DLGAP1: variants seen among roughly 807,000 people sequenced by gnomAD.
DLGAP1 encodes DLG associated protein 1.
A neutral mutation model predicts 90.8 loss-of-function variants in DLGAP1; 11 were observed. The ratio of observed to expected loss-of-function variants is 0.12; its 90% CI spans 0.08 to 0.20. The LOEUF (loss-of-function observed/expected upper bound fraction) is 0.20, where lower values mean the gene tolerates loss of function less well. Among genes scored for constraint, DLGAP1 ranks in the 10% least tolerant of loss-of-function variants. The pLI is 1.00. For missense variants in DLGAP1, 1,050 were observed against 1,333.8 expected (o/e 0.79, Z 3.31); for synonymous variants, 558 against 540.7 (o/e 1.03, Z -0.44).
chr18:3,561,282 AAC>A (rs1568197972), intron 9 of DLGAP1, among the ~76,000 whole-genome samples: 14 of 145,016 alleles, frequency 9.7e-5, no homozygotes, highest in South Asian at 6.5e-4. Flanking sequence ...AAAAAAAACA[AAC>A]AAAAAATAGC....
At chr18:3,559,523 T>TC (rs1007177718) in intron 9 of DLGAP1, among the ~76,000 whole-genome samples, 1 of 152,124 alleles carries the variant, frequency 6.6e-6, no homozygotes, top group African/African-American at 2.4e-5. Flanking sequence ...GAATTTTCTC[T>TC]CCTTTCTTAG....
intron 2 of DLGAP1, among the ~76,000 whole-genome samples, chr18:4,063,782 G>A (rs1457939315): frequency 2.0e-5 from 3 of 151,960 alleles, no homozygotes; most frequent in East Asian, 1.9e-4. Context: ...CCTGTTTCTG[G>A]CCAGGCTCTG....
At chr18:3,664,826 G>A (rs934663347) in intron 7 of DLGAP1, among the ~76,000 whole-genome samples, 3 of 152,200 alleles carry the variant, frequency 2.0e-5, no homozygotes, top group African/African-American at 7.2e-5. Context: ...TATTTGTTAA[G>A]AAGGTGAATG....
At chr18:3,852,029 G>C (rs1433302557) in intron 4 of DLGAP1, among the ~76,000 whole-genome samples, 1 of 152,124 alleles carries the variant, frequency 6.6e-6, no homozygotes, top group Non-Finnish European at 1.5e-5. Context: ...AAGGATTAGA[G>C]AGAAAAGGAC....
At chr18:3,897,770 A>C (rs1353690817) in intron 3 of DLGAP1, among the ~76,000 whole-genome samples, 2 of 148,980 alleles carry the variant, frequency 1.3e-5, no homozygotes. Context: ...AAGTGTTTCG[A>C]ATTTCTGATT....
chr18:3,654,153 A>G (rs751517760), intron 7 of DLGAP1, among the ~76,000 whole-genome samples: 4 of 152,196 alleles, frequency 2.6e-5, no homozygotes, highest in African/African-American at 4.8e-5. Context: ...CTCAAGCAAC[A>G]GTCGCAGTGG....
chr18:4,325,212 C>T, intron 1 of DLGAP1, among the ~76,000 whole-genome samples: 1 of 152,030 alleles, frequency 6.6e-6, no homozygotes, highest in East Asian at 1.9e-4. Flanking sequence ...TTCCTATACA[C>T]CAACAGCCAA....
intron 5 of DLGAP1, among the ~76,000 whole-genome samples, chr18:3,810,183 AG>A (rs1280065251): frequency 6.6e-6 from 1 of 152,140 alleles, no homozygotes; most frequent in East Asian, 1.9e-4. Flanking sequence ...TAGCTACAGG[AG>A]GGGTTTTGCT....
At chr18:4,110,048 A>G (rs754466151) in intron 2 of DLGAP1, among the ~76,000 whole-genome samples, 9 of 152,274 alleles carry the variant, frequency 5.9e-5, no homozygotes, top group Middle Eastern at 3.4e-3. Flanking sequence ...ACAGTCATGC[A>G]TTGCTTAACG....
chr18:3,823,949 CAAAAAAAAA>C (rs60286806), intron 4 of DLGAP1, among the ~76,000 whole-genome samples: 439 of 36,574 alleles, frequency 0.012, 2 homozygotes, highest in African/African-American at 0.045. Flanking sequence ...GACTCCCTCT[CAAAAAAAAA>C]AAAAAAAAAA....
At chr18:3,709,801 T>C (rs2061546563) in intron 7 of DLGAP1, among the ~76,000 whole-genome samples, 1 of 152,278 alleles carries the variant, frequency 6.6e-6, no homozygotes, top group African/African-American at 2.4e-5. Context: ...GATTCAATAA[T>C]ACTTGATATT....
chr18:4,441,984 T>A (rs1472113596), intron 1 of DLGAP1, among the ~76,000 whole-genome samples: 1 of 152,122 alleles, frequency 6.6e-6, no homozygotes. Context: ...AACCATCATA[T>A]CACTTTTTTG....
At chr18:3,666,899 G>A (rs1424400174) in intron 7 of DLGAP1, among the ~76,000 whole-genome samples, 1 of 150,478 alleles carries the variant, frequency 6.6e-6, no homozygotes, top group Non-Finnish European at 1.5e-5. Flanking sequence ...TGCAACTACA[G>A]GCGCCCACCA....
In DLGAP1 at chr18:3,700,872, A is replaced by G. The variant is rs1264010309; in HGVS notation, c.1591+28263T>C. ...GATCCGCCCACCTCGGCCTCCCAAAATGGTGGAATTACAGGGGTGAGCCAT... is the reference window on the plus strand; with the variant it reads ...GATCCGCCCACCTCGGCCTCCCAAAGTGGTGGAATTACAGGGGTGAGCCAT... On this transcript the variant is annotated intron_variant, in intron 7 of 12. Coordinates refer to ENST00000315677, the MANE Select transcript of DLGAP1 (RefSeq NM_004746.4). Among the ~76,000 whole-genome samples, 4 of 149,316 alleles carry G rather than the reference A, an allele frequency of 2.7e-5. No homozygotes were observed. The South Asian group carries it at 8.5e-4, about 32-fold the overall frequency.
intron 2 of DLGAP1, among the ~76,000 whole-genome samples, chr18:4,037,743 T>C (rs1471962530): frequency 6.6e-6 from 1 of 152,174 alleles, no homozygotes; most frequent in Non-Finnish European, 1.5e-5. Context: ...GTGGATCACC[T>C]GAGGTCAGGA....
chr18:3,551,768 CTTCT>C lies in DLGAP1; in HGVS notation c.2057+15718_2057+15721del, dbSNP rs1436901410. ...CCTTCCTTCCTTCCTTCCTTCCTTC[CTTCT>C]TTCCTTCCTTTTTTTCTTTCTTTTG... On this transcript the variant is annotated intron_variant, in intron 9 of 12. Coordinates refer to ENST00000315677, the MANE Select transcript of DLGAP1 (RefSeq NM_004746.4). Among the ~76,000 whole-genome samples, 21 of 94,352 alleles carry C rather than the reference CTTCT, an allele frequency of 2.2e-4. 2 individuals carry two copies. The highest frequency in any genetic ancestry group is 6.5e-4 in the African/African-American group (16 of 24,500). The allele number at this position is 94,352 out of a possible 152,430, so 61.9% of individuals were successfully genotyped here.
chr18:3,995,757 A>G (rs2074056871), intron 3 of DLGAP1: 1 of 151,624 alleles, frequency 6.6e-6, no homozygotes, highest in Non-Finnish European at 1.5e-5. Context: ...TACTTTCAAT[A>G]TATACACTGT....
intron 2 of DLGAP1, among the ~76,000 whole-genome samples, chr18:4,032,206 T>C (rs557873550): frequency 1.3e-5 from 2 of 152,342 alleles, no homozygotes; most frequent in South Asian, 2.1e-4. Flanking sequence ...CTGTGCTTTC[T>C]GAATTTGCCT....
chr18:3,728,171 C>A (rs1391002333), intron 7 of DLGAP1, among the ~76,000 whole-genome samples: 2 of 151,818 alleles, frequency 1.3e-5, no homozygotes, highest in Admixed American at 6.6e-5. Context: ...CCAATTTATT[C>A]ATCATTATTT....
Sources: gnomAD v4.1 joint callset for allele counts (sites outside exome capture counted in the v4.1 genomes callset) on GRCh38, gnomAD v4.1.1 for gene constraint, MANE v1.5 for transcripts, NCBI Gene and HGNC (gene_info 2026-07-23, HGNC 2026-07-21) for gene names.